The following RB1CC1 variants were observed in gnomAD, a reference collection of about 807,000 sequenced individuals.
RB1CC1 encodes RB1-inducible coiled-coil protein 1.
A neutral mutation model predicts 177.5 loss-of-function variants in RB1CC1; 46 were observed. The observed-to-expected ratio is 0.26, with a 90% CI of 0.20 to 0.33. The LOEUF (loss-of-function observed/expected upper bound fraction) is 0.33. Among genes scored for constraint, RB1CC1 ranks in the 10% least tolerant of loss-of-function variants. RB1CC1 has a pLI of 1.00. For missense variants in RB1CC1, 1,703 were observed against 1,816.3 expected, an observed-to-expected ratio of 0.94 and a Z score of 1.13; for synonymous variants, 666 against 613.6, an observed-to-expected ratio of 1.09 and a Z score of -1.26.
intron 21 of RB1CC1, among the ~76,000 whole-genome samples, chr8:52,629,564 T>C (rs1848619926): frequency 6.6e-6 from 1 of 152,152 alleles, no homozygotes; most frequent in South Asian, 2.1e-4. Flanking sequence ...GGGGTTGGAC[T>C]TGCCTCATCA....
chr8:52,694,389 TC>T (rs1298721457), intron 1 of RB1CC1, among the ~76,000 whole-genome samples: 1 of 152,172 alleles, frequency 6.6e-6, no homozygotes, highest in Non-Finnish European at 1.5e-5. Context: ...CCCCTGTGGA[TC>T]CGGAGACAGT....
At chr8:52,652,356 C>G (rs577782119) in intron 15 of RB1CC1, among the ~76,000 whole-genome samples, 3 of 151,236 alleles carry the variant, frequency 2.0e-5, no homozygotes, top group African/African-American at 7.3e-5. Flanking sequence ...GTCCCAGCTA[C>G]TCGGGAGGCT....
At chr8:52,631,817 T>C (rs545061807) in intron 20 of RB1CC1, among the ~76,000 whole-genome samples, 89 of 152,316 alleles carry the variant, frequency 5.8e-4, no homozygotes, top group African/African-American at 2.1e-3. Context: ...TTTTCAAACC[T>C]ATACTGTTGT....
At chr8:52,699,857 A>ATATATATG (rs1181172072) in intron 1 of RB1CC1, among the ~76,000 whole-genome samples, 2 of 138,368 alleles carry the variant, frequency 1.4e-5, no homozygotes, top group African/African-American at 2.7e-5. Context: ...ATATATATAT[A>ATATATATG]TACACACAAA....
At chr8:52,676,713 T>A (rs998294390) in intron 5 of RB1CC1, 142 bp from the exon 6 acceptor site, 31 of 775,308 alleles carry the variant, frequency 4.0e-5, no homozygotes, top group Non-Finnish European at 4.1e-6. Context: ...TTTTAGTTTA[T>A]CTCTGTTCTC....
At chr8:52,674,580 C>T (rs1280184582) in intron 6 of RB1CC1, among the ~76,000 whole-genome samples, 2 of 152,020 alleles carry the variant, frequency 1.3e-5, no homozygotes, top group Admixed American at 1.3e-4. Context: ...ACCAGCCTGG[C>T]CAACACGGCA....
intron 20 of RB1CC1, among the ~76,000 whole-genome samples, chr8:52,631,876 C>A (rs761264771): frequency 2.0e-5 from 3 of 152,168 alleles, no homozygotes; most frequent in Non-Finnish European, 4.4e-5. Flanking sequence ...GCAATGCCAG[C>A]GCTCTGACAC....
At chr8:52,654,021 C>A (rs1049044344) in intron 15 of RB1CC1, among the ~76,000 whole-genome samples, 1 of 152,190 alleles carries the variant, frequency 6.6e-6, no homozygotes, top group African/African-American at 2.4e-5. Flanking sequence ...CTTCACGACA[C>A]AGGGGAGGGA....
chr8:52,631,562 C>T (rs1848759228), intron 20 of RB1CC1, among the ~76,000 whole-genome samples: 1 of 152,202 alleles, frequency 6.6e-6, no homozygotes, highest in Non-Finnish European at 1.5e-5. Context: ...TTCTATACAT[C>T]TCTGGAATGT....
intron 18 of RB1CC1, among the ~76,000 whole-genome samples, chr8:52,640,472 A>C (rs1849478084): frequency 6.6e-6 from 1 of 152,194 alleles, no homozygotes; most frequent in African/African-American, 2.4e-5. Flanking sequence ...TAAACCATAA[A>C]TATGTATAAT....
At chr8:52,668,637 A>G (rs1852284417) in intron 7 of RB1CC1, among the ~76,000 whole-genome samples, 1 of 152,092 alleles carries the variant, frequency 6.6e-6, no homozygotes, top group South Asian at 2.1e-4. Flanking sequence ...GGCTTGCTCA[A>G]TTATGCTTTC....
At chr8:52,683,823 A>AC in intron 4 of RB1CC1, 64 bp downstream of exon 4, 1 of 1,590,208 alleles carries the variant, frequency 6.3e-7, no homozygotes, top group Non-Finnish European at 8.6e-7. Context: ...ACTTTTGAAC[A>AC]CTGAGTTCCC....
chr8:52,646,051 A>ATG (rs1485457640), intron 15 of RB1CC1, among the ~76,000 whole-genome samples, 184 bp from the exon 16 acceptor site: 13 of 152,230 alleles, frequency 8.5e-5, no homozygotes, highest in Non-Finnish European at 1.6e-4. Context: ...TACAGATTAG[A>ATG]TGCTGACACT....
chr8:52,670,440 T>C (rs779426761), intron 7 of RB1CC1, among the ~76,000 whole-genome samples: 1 of 152,198 alleles, frequency 6.6e-6, no homozygotes, highest in Non-Finnish European at 1.5e-5. Flanking sequence ...ACATTATTTT[T>C]AACTGAGAAA....
intron 5 of RB1CC1, among the ~76,000 whole-genome samples, chr8:52,682,918 T>C (rs1379661834): frequency 1.3e-5 from 2 of 152,132 alleles, no homozygotes; most frequent in Non-Finnish European, 2.9e-5. Context: ...CTCTAAGAGT[T>C]TTACTAATTA....
Position 52,657,459 on chromosome 8 carries a change from A to T in RB1CC1, c.2370T>A (p.Asp790Glu). 1 of 1,613,714 alleles carries T rather than the reference A, an allele frequency of 6.2e-7. No individual in the cohort carries two copies. Among genetic ancestry groups the T allele is most frequent in the Non-Finnish European group, 8.5e-7 (1 of 1,180,004 alleles). The change falls in exon 15 of 24, where the codon GAT (aspartate) becomes GAA (glutamate). Residue 790 changes from aspartate to glutamate, a missense_variant. This residue lies in a region of RB1CC1 where 1,169 missense variants were observed against 1,184.7 expected (regional missense o/e 0.99). Coordinates refer to ENST00000025008, the MANE Select transcript of RB1CC1 (RefSeq NM_014781.5). ...TNVCGKEDFG[D>E]HTSLNVQLER... ...CCAACTGGACATTCAGAGAAGTATG[A>T]TCTCCAAAATCCTCCTTACCACATA...
chr8:52,666,454 G>GT (rs1278416356), intron 8 of RB1CC1, among the ~76,000 whole-genome samples: 1 of 151,594 alleles, frequency 6.6e-6, no homozygotes, highest in Admixed American at 6.6e-5. Flanking sequence ...GGAGGCAGAC[G>GT]TTGCAGTGAG....
chr8:52,698,581 G>C (rs1235035408), intron 1 of RB1CC1, among the ~76,000 whole-genome samples: 1 of 151,096 alleles, frequency 6.6e-6, no homozygotes, highest in Non-Finnish European at 1.5e-5. Context: ...CAAAGTGCTG[G>C]GATTACAGGT....
chr8:52,691,439 G>T (rs971424362), intron 1 of RB1CC1, among the ~76,000 whole-genome samples: 1 of 152,152 alleles, frequency 6.6e-6, no homozygotes, highest in African/African-American at 2.4e-5. Context: ...AATTGAGAAT[G>T]AGTTTGTCTA....
Sources: allele counts gnomAD v4.1 joint callset (sites outside exome capture counted in the v4.1 genomes callset), GRCh38; gene constraint gnomAD v4.1.1; regional missense constraint gnomAD v4.1.1; transcripts MANE v1.5; gene names NCBI Gene and HGNC (gene_info 2026-07-23, HGNC 2026-07-21).